IPO11: variants seen among roughly 807,000 people sequenced by gnomAD.
The protein encoded by IPO11 is importin-11.
In IPO11, 66 loss-of-function variants were observed where a neutral mutation model predicts 143.2. The observed-to-expected ratio is 0.46, with a 90% CI of 0.38 to 0.57. The LOEUF (loss-of-function observed/expected upper bound fraction) is 0.57, where lower values mean the gene tolerates loss of function less well. IPO11 is among the 20% of genes least tolerant of loss of function. The pLI is 0.00. For missense variants in IPO11, 1,026 were observed against 1,141.0 expected (o/e 0.90, Z 1.45); for synonymous variants, 385 against 377.8 (o/e 1.02, Z -0.22).
intron 24 of IPO11, among the ~76,000 whole-genome samples, chr5:62,546,520 C>T (rs2112340968): frequency 6.6e-6 from 1 of 152,106 alleles, no homozygotes; most frequent in East Asian, 1.9e-4. Flanking sequence ...ATGGGTGCAG[C>T]ACACCAACAT....
chr5:62,504,798 A>G, intron 17 of IPO11, 60 bp from the exon 18 acceptor site: 1 of 1,339,932 alleles, frequency 7.5e-7, no homozygotes, highest in East Asian at 2.4e-5. Flanking sequence ...TACTTGTTTT[A>G]GATACAGATT....
chr5:62,447,612 G>T (rs1486589060), intron 3 of IPO11, among the ~76,000 whole-genome samples: 3 of 151,048 alleles, frequency 2.0e-5, no homozygotes, highest in Non-Finnish European at 4.4e-5. Flanking sequence ...TTGAGACAGG[G>T]TCTTGCTCTG....
At position 62,591,755 on chromosome 5, in the gene IPO11, A is replaced by C. The variant is rs541919179; in HGVS notation, c.2678+83A>C. Reference sequence around the variant, plus strand: ...GCATGATTTTTTTCACCATCACTCTATAAGCACAGTATGAAAGTTTTATAA... The same window carrying C: ...GCATGATTTTTTTCACCATCACTCTCTAAGCACAGTATGAAAGTTTTATAA... On this transcript the variant is annotated intron_variant, in intron 28 of 29. Coordinates refer to ENST00000325324, the MANE Select transcript of IPO11 (RefSeq NM_016338.5). The C allele has an allele frequency of 3.9e-5, 31 of 797,370 alleles. No individual in the cohort carries two copies. In the African/African-American group the frequency reaches 4.9e-4, roughly 13 times the overall value. 49.4% of individuals were successfully genotyped at this position (797,370 alleles called of 1,614,324 possible). A position where few individuals can be genotyped will look rare whatever the true frequency, so the allele number is the denominator to read the frequency against.
chr5:62,534,565 T>C (rs549323425), intron 22 of IPO11, among the ~76,000 whole-genome samples: 4 of 152,180 alleles, frequency 2.6e-5, no homozygotes, highest in Non-Finnish European at 5.9e-5. Flanking sequence ...AACTAAATAC[T>C]TTGATAGGTT....
chr5:62,514,932 A>G (rs982546655), intron 19 of IPO11, among the ~76,000 whole-genome samples: 1 of 151,934 alleles, frequency 6.6e-6, no homozygotes, highest in Non-Finnish European at 1.5e-5. Flanking sequence ...TTTTCATTGT[A>G]AGGGTTTGTC....
At chr5:62,443,683 G>C (rs1250180197) in intron 3 of IPO11, among the ~76,000 whole-genome samples, 2 of 151,864 alleles carry the variant, frequency 1.3e-5, no homozygotes, top group African/African-American at 4.8e-5. Flanking sequence ...CTCTGAACCA[G>C]CTAGGTGTTA....
At position 62,506,332 on chromosome 5, in the gene IPO11, G is replaced by A. The variant is rs1214905982; in HGVS notation, c.1757G>A (p.Cys586Tyr). The A allele has an allele frequency of 6.2e-7, 1 of 1,606,506 alleles. No homozygotes were observed. The highest frequency in any genetic ancestry group is 8.5e-7 in the Non-Finnish European group (1 of 1,174,572). ...TKMHVLHVLS[C>Y]VIERVNMQIR... ...ATGCATGTTTTGCATGTCCTTTCTT[G>A]TGTGATCGAAAGAGTCAACATGCAG... The change falls in exon 19 of 30, where the codon TGT becomes TAT. Residue 586 changes from cysteine to tyrosine, a missense_variant. By Grantham distance (194) the Cys-to-Tyr change is radical. Around this residue, in one of 5 missense-constraint regions of IPO11, gnomAD observed 237 missense variants for 288.0 expected, o/e 0.82. Transcript: ENST00000325324.
At chr5:62,439,972 T>C (rs1339441891) in intron 2 of IPO11, among the ~76,000 whole-genome samples, 1 of 152,198 alleles carries the variant, frequency 6.6e-6, no homozygotes, top group Non-Finnish European at 1.5e-5. Context: ...TTTCTTATTT[T>C]TGTAAGTGTA....
chr5:62,582,107 C>T (rs898564070), intron 27 of IPO11, among the ~76,000 whole-genome samples: 1 of 152,144 alleles, frequency 6.6e-6, no homozygotes, highest in Non-Finnish European at 1.5e-5. Context: ...ATCTTGAGGG[C>T]AACAGAGAGC....
At chr5:62,429,716 C>T (rs190053755) in intron 1 of IPO11, among the ~76,000 whole-genome samples, 526 of 151,620 alleles carry the variant, frequency 3.5e-3, no homozygotes, top group African/African-American at 0.012. Flanking sequence ...CTCTGCCTCC[C>T]GGGTTCAAGC....
intron 24 of IPO11, among the ~76,000 whole-genome samples, chr5:62,544,123 T>C (rs1315718593): frequency 6.6e-6 from 1 of 152,156 alleles, no homozygotes; most frequent in Non-Finnish European, 1.5e-5. Context: ...ATCATCCTGA[T>C]ACCAAAGCCT....
At chr5:62,464,143 G>GTTTTT (rs34056674) in intron 5 of IPO11, among the ~76,000 whole-genome samples, 43 of 78,666 alleles carry the variant, frequency 5.5e-4, no homozygotes, top group Admixed American at 6.7e-4. Flanking sequence ...GTTTTTGGTG[G>GTTTTT]TTTTTTTTTT....
At chr5:62,570,522 A>G (rs900613905) in intron 27 of IPO11, among the ~76,000 whole-genome samples, 2 of 152,200 alleles carry the variant, frequency 1.3e-5, no homozygotes, top group Non-Finnish European at 2.9e-5. Context: ...TAAAGATGCT[A>G]TTATGTGGTA....
intron 24 of IPO11, among the ~76,000 whole-genome samples, chr5:62,547,869 A>G (rs940117554): frequency 2.6e-5 from 4 of 152,058 alleles, no homozygotes; most frequent in South Asian, 2.1e-4. Flanking sequence ...TTTATATGAC[A>G]TAGTTTAGAG....
chr5:62,571,955 G>A (rs763329311), intron 27 of IPO11, among the ~76,000 whole-genome samples: 1 of 152,070 alleles, frequency 6.6e-6, no homozygotes, highest in African/African-American at 2.4e-5. Flanking sequence ...CAGAGTGCTG[G>A]GATTACAGGT....
chr5:62,574,999 T>C (rs1249563484), intron 27 of IPO11, among the ~76,000 whole-genome samples: 1 of 152,260 alleles, frequency 6.6e-6, no homozygotes, highest in Non-Finnish European at 1.5e-5. Context: ...AAAAATTTCT[T>C]AGTTGATTTT....
At chr5:62,532,839 A>G (rs1414139632) in intron 22 of IPO11, among the ~76,000 whole-genome samples, 1 of 152,178 alleles carries the variant, frequency 6.6e-6, no homozygotes, top group Non-Finnish European at 1.5e-5. Flanking sequence ...AAATTATCCT[A>G]CCATTGACCG....
intron 4 of IPO11, 40 bp from the exon 5 acceptor site, chr5:62,451,690 C>G: frequency 2.0e-6 from 3 of 1,474,974 alleles, no homozygotes; most frequent in Middle Eastern, 1.7e-4. Context: ...CATTCCTTAT[C>G]TATTGCCTTG....
At chr5:62,444,177 G>A (rs1744622611) in intron 3 of IPO11, among the ~76,000 whole-genome samples, 2 of 150,560 alleles carry the variant, frequency 1.3e-5, no homozygotes, top group South Asian at 4.2e-4. Context: ...CCTACTGCAA[G>A]CTCTGCCTCA....
Sources: gnomAD v4.1 joint callset for allele counts (sites outside exome capture counted in the v4.1 genomes callset) on GRCh38, gnomAD v4.1.1 for gene constraint, gnomAD v4.1.1 regional missense constraint, MANE v1.5 for transcripts, NCBI Gene and HGNC (gene_info 2026-07-23, HGNC 2026-07-21) for gene names.